SLC24A2: variants seen among roughly 807,000 people sequenced by gnomAD.
SLC24A2 encodes solute carrier family 24 member 2.
In SLC24A2, 36 loss-of-function variants were observed where a neutral mutation model predicts 62.0. The ratio of observed to expected loss-of-function variants is 0.58; its 90% CI spans 0.44 to 0.77. SLC24A2 has a LOEUF of 0.77. Ranked by LOEUF, SLC24A2 falls within the 30% of genes least tolerant of loss-of-function variation. The probability of loss-of-function intolerance (pLI) is 0.00; values close to 1 mark genes in which losing one functional copy is unlikely to be tolerated. For missense variants in SLC24A2, 846 were observed against 817.9 expected, an observed-to-expected ratio of 1.03 and a Z score of -0.42; for synonymous variants, 358 against 294.0, an observed-to-expected ratio of 1.22 and a Z score of -2.23.
chr9:19,562,388 T>TAGAC (rs1586964780), intron 7 of SLC24A2, among the ~76,000 whole-genome samples: 2 of 152,338 alleles, frequency 1.3e-5, no homozygotes, highest in Non-Finnish European at 1.5e-5. Context: ...GAACAATTAA[T>TAGAC]AGACATTCTT....
At chr9:19,855,741 A>T in the SLC24A2 span, among the ~76,000 whole-genome samples, 3 of 152,052 alleles carry the variant, frequency 2.0e-5, no homozygotes, top group South Asian at 4.1e-4. Flanking sequence ...CATTTCAACC[A>T]TGGAGAATCT....
At chr9:20,165,799 T>G in the SLC24A2 span, among the ~76,000 whole-genome samples, 1 of 151,804 alleles carries the variant, frequency 6.6e-6, no homozygotes, top group African/African-American at 2.4e-5. Context: ...TTTGATCACA[T>G]AAAAGTAAAA....
chr9:20,166,678 A>C, the SLC24A2 span, among the ~76,000 whole-genome samples: 1 of 152,098 alleles, frequency 6.6e-6, no homozygotes, highest in South Asian at 2.1e-4. Context: ...AAAGGTATGA[A>C]AGAACAGGGA....
chr9:20,071,030 A>G, the SLC24A2 span, among the ~76,000 whole-genome samples: 1 of 152,092 alleles, frequency 6.6e-6, no homozygotes, highest in East Asian at 1.9e-4. Context: ...GATGTTATTT[A>G]AAAGTGTGTA....
chr9:19,911,932 T>A, the SLC24A2 span, among the ~76,000 whole-genome samples: 1 of 152,154 alleles, frequency 6.6e-6, no homozygotes, highest in Non-Finnish European at 1.5e-5. Context: ...AAACAGACCA[T>A]CAGCATTACA....
At chr9:19,864,141 C>T in the SLC24A2 span, among the ~76,000 whole-genome samples, 175 of 151,942 alleles carry the variant, frequency 1.2e-3, 2 homozygotes, top group African/African-American at 3.6e-3. Flanking sequence ...TGAAGAAATC[C>T]AAAACCTGAA....
At chr9:19,992,402 C>G in the SLC24A2 span, among the ~76,000 whole-genome samples, 1 of 152,120 alleles carries the variant, frequency 6.6e-6, no homozygotes, top group Non-Finnish European at 1.5e-5. Flanking sequence ...AAACTGATGG[C>G]TATGCATCAT....
chr9:20,214,197 T>C, the SLC24A2 span, among the ~76,000 whole-genome samples: 1 of 152,296 alleles, frequency 6.6e-6, no homozygotes, highest in African/African-American at 2.4e-5. Context: ...AGTGGCATCG[T>C]GAGGCGATAG....
At chr9:20,220,149 A>G in the SLC24A2 span, among the ~76,000 whole-genome samples, 11 of 152,106 alleles carry the variant, frequency 7.2e-5, no homozygotes, top group Admixed American at 4.6e-4. Flanking sequence ...ATGGCTTCCA[A>G]GTATTTCTCA....
At chr9:20,058,360 A>T in the SLC24A2 span, among the ~76,000 whole-genome samples, 2 of 152,252 alleles carry the variant, frequency 1.3e-5, no homozygotes, top group South Asian at 4.1e-4. Context: ...AAATCTCCCT[A>T]CTGTGAAGCA....
At chr9:19,867,865 C>T in the SLC24A2 span, among the ~76,000 whole-genome samples, 2 of 151,994 alleles carry the variant, frequency 1.3e-5, no homozygotes, top group African/African-American at 4.8e-5. Flanking sequence ...CCAAGATTGC[C>T]CCACTGCCCT....
At chr9:20,068,789 C>A in the SLC24A2 span, among the ~76,000 whole-genome samples, 4 of 152,112 alleles carry the variant, frequency 2.6e-5, no homozygotes, top group African/African-American at 4.8e-5. Flanking sequence ...CTTTCTCATA[C>A]TAATATGGAC....
chr9:19,694,216 G>A (rs930775829), intron 2 of SLC24A2, among the ~76,000 whole-genome samples: 1 of 151,992 alleles, frequency 6.6e-6, no homozygotes, highest in Non-Finnish European at 1.5e-5. Flanking sequence ...AACAGATAGG[G>A]TAAAGATATC....
At chr9:20,128,044 GT>G in the SLC24A2 span, among the ~76,000 whole-genome samples, 5 of 151,950 alleles carry the variant, frequency 3.3e-5, no homozygotes, top group Non-Finnish European at 5.9e-5. Flanking sequence ...AAGCCTTTTG[GT>G]TTTGCTTCAT....
chr9:20,073,436 G>A, the SLC24A2 span, among the ~76,000 whole-genome samples: 1 of 151,948 alleles, frequency 6.6e-6, no homozygotes, highest in Non-Finnish European at 1.5e-5. Flanking sequence ...TTTCACCTTT[G>A]CCATATAACA....
At chr9:20,019,592 A>G in the SLC24A2 span, among the ~76,000 whole-genome samples, 2 of 152,194 alleles carry the variant, frequency 1.3e-5, no homozygotes, top group Non-Finnish European at 2.9e-5. Context: ...AAAGATTTAA[A>G]TGTAAGGCCT....
Position 19,708,766 on chromosome 9 carries a change from T to G in SLC24A2, c.930+77171A>C, listed in dbSNP as rs1203273257. ...ATACAAAAATTAATTCAAGATGGAT[T>G]AAAGACTTACATGTTAGACCTAAAA... On this transcript the variant is annotated intron_variant, in intron 2 of 10. Coordinates refer to ENST00000341998, the MANE Select transcript of SLC24A2 (RefSeq NM_020344.4). 2.0e-5 allele frequency among the ~76,000 whole-genome samples: 3 copies of G among 152,328 alleles called. No homozygotes were observed. In the East Asian group the frequency reaches 5.8e-4, roughly 29 times the overall value.
At chr9:19,812,659 C>G in the SLC24A2 span, among the ~76,000 whole-genome samples, 4 of 152,002 alleles carry the variant, frequency 2.6e-5, no homozygotes, top group East Asian at 7.7e-4. Context: ...TCTAATTTTT[C>G]TCTTAATTTT....
At chr9:19,550,318 C>T (rs1214060880) in intron 7 of SLC24A2, 50 bp from the exon 8 acceptor site, 3 of 1,587,522 alleles carry the variant, frequency 1.9e-6, no homozygotes, top group South Asian at 1.1e-5. Context: ...ATAAAATGTA[C>T]ACAGGCACAA....
Sources: allele counts gnomAD v4.1 joint callset (sites outside exome capture counted in the v4.1 genomes callset), GRCh38; gene constraint gnomAD v4.1.1; transcripts MANE v1.5; gene names NCBI Gene and HGNC (gene_info 2026-07-23, HGNC 2026-07-21).